Variants in NXPE2 observed in about 807,000 individuals in gnomAD.
NXPE2 encodes the protein NXPE family member 2.
Under a neutral mutation model 34.4 loss-of-function variants are expected in NXPE2, and 34 were observed. The ratio of observed to expected loss-of-function variants is 0.99; its 90% CI spans 0.75 to 1.31. The LOEUF is 1.31. Among genes scored for constraint, NXPE2 ranks in the 40% most tolerant of loss-of-function variants. NXPE2 has a pLI of 0.00. For missense variants in NXPE2, 649 were observed against 672.5 expected, an observed-to-expected ratio of 0.97 and a Z score of 0.39; for synonymous variants, 235 against 231.3, an observed-to-expected ratio of 1.02 and a Z score of -0.15.
chr11:114,636,352 C>CT, the NXPE2 span, among the ~76,000 whole-genome samples: 1 of 151,950 alleles, frequency 6.6e-6, no homozygotes, highest in South Asian at 2.1e-4. Context: ...ATTCTTCTCT[C>CT]TTTTTTTCTT....
At chr11:114,800,150 G>A in the NXPE2 span, among the ~76,000 whole-genome samples, 1 of 152,234 alleles carries the variant, frequency 6.6e-6, no homozygotes, top group South Asian at 2.1e-4. Flanking sequence ...TCCTACTTAT[G>A]GGAACAATTC....
At chr11:114,783,344 C>T in the NXPE2 span, among the ~76,000 whole-genome samples, 2 of 152,290 alleles carry the variant, frequency 1.3e-5, no homozygotes, top group African/African-American at 4.8e-5. Context: ...ACCTGAGGGG[C>T]CCTTTTTCTG....
At chr11:114,613,750 C>A in the NXPE2 span, among the ~76,000 whole-genome samples, 1 of 151,908 alleles carries the variant, frequency 6.6e-6, no homozygotes, top group Non-Finnish European at 1.5e-5. Context: ...CCACTGTTAC[C>A]CGGTGGATAA....
the NXPE2 span, among the ~76,000 whole-genome samples, chr11:114,503,320 G>C: frequency 6.6e-6 from 1 of 152,164 alleles, no homozygotes; most frequent in Admixed American, 6.6e-5. Context: ...AACATTTCCT[G>C]TGTGAAAGAG....
the NXPE2 span, among the ~76,000 whole-genome samples, chr11:114,638,633 T>C: frequency 6.6e-6 from 1 of 152,080 alleles, no homozygotes; most frequent in Non-Finnish European, 1.5e-5. Context: ...GATGTACAGA[T>C]AGGTTTTTGG....
the NXPE2 span, among the ~76,000 whole-genome samples, chr11:114,791,700 G>C: frequency 7.2e-5 from 11 of 152,348 alleles, no homozygotes; most frequent in African/African-American, 2.6e-4. Context: ...TTGCCACCAA[G>C]GGTGAACTGG....
the NXPE2 span, among the ~76,000 whole-genome samples, chr11:114,578,977 C>T: frequency 6.6e-6 from 1 of 152,230 alleles, no homozygotes; most frequent in South Asian, 2.1e-4. Flanking sequence ...TCTATACAGA[C>T]TTGTACTTGT....
At chr11:114,636,702 G>C in the NXPE2 span, among the ~76,000 whole-genome samples, 1 of 152,004 alleles carries the variant, frequency 6.6e-6, no homozygotes, top group East Asian at 1.9e-4. Context: ...CTTTATTTCT[G>C]CCTTCATTTC....
chr11:114,519,903 G>GT, the NXPE2 span, among the ~76,000 whole-genome samples: 1 of 140,200 alleles, frequency 7.1e-6, no homozygotes, highest in Non-Finnish European at 1.5e-5. Flanking sequence ...TTGTTTGTTT[G>GT]TTTTTTGAGA....
chr11:114,786,195 C>T, the NXPE2 span, among the ~76,000 whole-genome samples: 47 of 152,276 alleles, frequency 3.1e-4, 1 homozygote, highest in African/African-American at 8.7e-4. Context: ...TGCTGATCCC[C>T]GCAGCAGCAG....
At chr11:114,810,304 C>A in the NXPE2 span, among the ~76,000 whole-genome samples, 2 of 150,726 alleles carry the variant, frequency 1.3e-5, no homozygotes, top group African/African-American at 2.4e-5. Context: ...GTCTAGAACA[C>A]CAAAAGCAAT....
intron 4 of NXPE2, among the ~76,000 whole-genome samples, chr11:114,704,737 A>C (rs1006343710): frequency 6.6e-6 from 1 of 152,204 alleles, no homozygotes; most frequent in Non-Finnish European, 1.5e-5. Context: ...GAGAACATAA[A>C]CACAAATAAA....
chr11:114,545,315 G>C, the NXPE2 span, among the ~76,000 whole-genome samples: 1 of 152,180 alleles, frequency 6.6e-6, no homozygotes. Context: ...AAGCAACCAA[G>C]AGCTCTTCAG....
intron 2 of NXPE2, among the ~76,000 whole-genome samples, chr11:114,695,449 G>A (rs1951232228): frequency 6.6e-6 from 1 of 152,084 alleles, no homozygotes; most frequent in African/African-American, 2.4e-5. Context: ...TGGAGGCTGG[G>A]TTTGGGTATT....
At chr11:114,651,302 GAGTGA>G in the NXPE2 span, among the ~76,000 whole-genome samples, 3 of 151,980 alleles carry the variant, frequency 2.0e-5, no homozygotes, top group East Asian at 5.8e-4. Context: ...CTGACTTTAG[GAGTGA>G]AGCCGCAGAC....
chr11:114,653,791 G>T, the NXPE2 span, among the ~76,000 whole-genome samples: 5 of 152,100 alleles, frequency 3.3e-5, no homozygotes, highest in South Asian at 8.3e-4. Context: ...GCCTCCCAAA[G>T]TGCTGGGATT....
At chr11:114,744,576 C>T in the NXPE2 span, among the ~76,000 whole-genome samples, 33 of 152,122 alleles carry the variant, frequency 2.2e-4, no homozygotes, top group African/African-American at 2.6e-4. Flanking sequence ...TGGGAGGCTG[C>T]GGCGGGTTGA....
the NXPE2 span, among the ~76,000 whole-genome samples, chr11:114,725,019 C>T: frequency 6.6e-6 from 1 of 151,312 alleles, no homozygotes; most frequent in African/African-American, 2.4e-5. Flanking sequence ...AACCCAGGAG[C>T]AGCAGCGTTT....
the NXPE2 span, among the ~76,000 whole-genome samples, chr11:114,801,286 C>A: frequency 6.6e-6 from 1 of 152,188 alleles, no homozygotes; most frequent in Non-Finnish European, 1.5e-5. Flanking sequence ...AGAGAGAAGT[C>A]TTCTCTGAGG....
Sources: allele counts gnomAD v4.1 joint callset (sites outside exome capture counted in the v4.1 genomes callset), GRCh38; gene constraint gnomAD v4.1.1; transcripts MANE v1.5; gene names NCBI Gene and HGNC (gene_info 2026-07-23, HGNC 2026-07-21).